CCDC83: variants seen among roughly 807,000 people sequenced by gnomAD.
The protein encoded by CCDC83 is coiled-coil domain containing 83.
Under a neutral mutation model 50.1 loss-of-function variants are expected in CCDC83, and 54 were observed. The observed-to-expected ratio is 1.08, with a 90% CI of 0.87 to 1.35. CCDC83 has a LOEUF of 1.35. Among genes scored for constraint, CCDC83 ranks in the 40% most tolerant of loss-of-function variants. CCDC83 has a pLI of 0.00. For missense variants in CCDC83, 518 were observed against 473.9 expected, an observed-to-expected ratio of 1.09 and a Z score of -0.86; for synonymous variants, 161 against 153.3, an observed-to-expected ratio of 1.05 and a Z score of -0.37.
chr11:85,883,338 T>C (rs1036883044), intron 4 of CCDC83, among the ~76,000 whole-genome samples: 4 of 152,002 alleles, frequency 2.6e-5, no homozygotes, highest in Non-Finnish European at 4.4e-5. Flanking sequence ...TTCATTGACT[T>C]CAGCTTCAGC....
At chr11:85,863,879 C>T (rs144707582) in intron 1 of CCDC83, among the ~76,000 whole-genome samples, 232 of 152,276 alleles carry the variant, frequency 1.5e-3, no homozygotes, top group Non-Finnish European at 2.7e-3. Context: ...GGGCACTATA[C>T]AGAGATAGAG....
intron 7 of CCDC83, among the ~76,000 whole-genome samples, chr11:85,900,553 T>G (rs2093396477): frequency 6.6e-6 from 1 of 152,138 alleles, no homozygotes; most frequent in Non-Finnish European, 1.5e-5. Flanking sequence ...ACAGTCCTAT[T>G]TACACAGTGG....
intron 6 of CCDC83, among the ~76,000 whole-genome samples, chr11:85,896,763 T>TG (rs536649914): frequency 2.1e-5 from 1 of 47,724 alleles, no homozygotes; most frequent in Non-Finnish European, 4.6e-5. Context: ...AAATATCTGA[T>TG]TTTTTTTTTT....
chr11:85,858,114 G>T (rs2093153354), intron 1 of CCDC83, among the ~76,000 whole-genome samples: 1 of 152,184 alleles, frequency 6.6e-6, no homozygotes, highest in African/African-American at 2.4e-5. Context: ...GGGTCAGCTG[G>T]TCAACCTGGG....
At position 85,895,385 on chromosome 11, in the gene CCDC83, G is replaced by C. The variant is rs2093369421; in HGVS notation, c.603+1G>C. The stretch of plus-strand genomic sequence containing the variant: ...CCAAAAGAAGGAATGGGCCACACAG[G>C]TATAATTCAATTTTCTTAAAAACAG... On this transcript the variant is annotated splice_donor_variant, in intron 6 of 10. Transcript: ENST00000342404. LOFTEE classifies it high-confidence loss of function. The C allele has an allele frequency of 2.0e-6, 3 of 1,526,298 alleles. No homozygotes were observed. In the African/African-American group the frequency reaches 4.2e-5, roughly 22 times the overall value. 94.5% of individuals were successfully genotyped at this position (1,526,298 alleles called of 1,614,324 possible). A position where few individuals can be genotyped will look rare whatever the true frequency, so the allele number is the denominator to read the frequency against.
In CCDC83 at chr11:85,911,282, T is replaced by G. The variant is rs758639912; in HGVS notation, c.674T>G (p.Val225Gly). Residue 225 changes from valine to glycine, a missense_variant and splice_region_variant, in exon 8 of 11, where the codon GTT becomes GGT. Physicochemically the swap from Val to Gly is moderately radical, Grantham distance 109. Coordinates refer to ENST00000342404, the MANE Select transcript of CCDC83 (RefSeq NM_001286159.2). ...IWENDWLKKE[V>G]AIHRKEVEEL... ...TTCATTCTCTTCTTCTGAGAACAGG[T>G]TGCAATTCACAGGAAGGAAGTTGAA... The G allele has an allele frequency of 6.2e-7, 1 of 1,606,646 alleles. No homozygotes were observed. The highest frequency in any genetic ancestry group is 1.7e-5 in the Admixed American group (1 of 59,050).
chr11:85,860,194 C>A (rs145920246), intron 1 of CCDC83, among the ~76,000 whole-genome samples: 1 of 148,816 alleles, frequency 6.7e-6, no homozygotes, highest in South Asian at 2.2e-4. Flanking sequence ...CCCAGCTACT[C>A]GGGAGGCTGA....
intron 1 of CCDC83, among the ~76,000 whole-genome samples, chr11:85,856,980 C>T (rs1056034898): frequency 3.9e-5 from 6 of 152,178 alleles, no homozygotes; most frequent in African/African-American, 7.2e-5. Flanking sequence ...AGCCACAAAA[C>T]GAATAAACTA....
intron 3 of CCDC83, 94 bp from the exon 4 acceptor site, chr11:85,882,419 G>A: frequency 8.0e-7 from 1 of 1,243,564 alleles, no homozygotes; most frequent in Non-Finnish European, 1.1e-6. Context: ...GCCTTCCTGT[G>A]ATACCCAAAG....
intron 7 of CCDC83, among the ~76,000 whole-genome samples, chr11:85,901,474 G>A (rs977044764): frequency 1.3e-5 from 2 of 151,950 alleles, no homozygotes; most frequent in Admixed American, 6.6e-5. Flanking sequence ...CCAGGAGGCT[G>A]AAGTGGGAGA....
chr11:85,892,273 T>C (rs1285223466), intron 5 of CCDC83, among the ~76,000 whole-genome samples: 1 of 152,126 alleles, frequency 6.6e-6, no homozygotes, highest in East Asian at 1.9e-4. Context: ...ACAGTCCTAA[T>C]CTGCCAAGCT....
chr11:85,874,496 T>C (rs1465885438), intron 3 of CCDC83, among the ~76,000 whole-genome samples: 3 of 152,224 alleles, frequency 2.0e-5, no homozygotes, highest in Non-Finnish European at 4.4e-5. Flanking sequence ...GGCTCAAGAA[T>C]GCACATTAGT....
intron 6 of CCDC83, among the ~76,000 whole-genome samples, chr11:85,896,651 G>T (rs532245083): frequency 6.6e-6 from 1 of 151,862 alleles, no homozygotes; most frequent in East Asian, 1.9e-4. Flanking sequence ...ACCTAAAAGA[G>T]TATATTCTAC....
intron 3 of CCDC83, among the ~76,000 whole-genome samples, chr11:85,876,263 A>G (rs978313430): frequency 6.6e-6 from 1 of 152,126 alleles, no homozygotes; most frequent in African/African-American, 2.4e-5. Flanking sequence ...TCAAATAACC[A>G]TCTATTTGTT....
intron 5 of CCDC83, 29 bp from the exon 6 acceptor site, chr11:85,895,264 C>CTTTTTTTT (rs10594256): frequency 2.8e-5 from 10 of 363,096 alleles, no homozygotes; most frequent in Non-Finnish European, 4.2e-5. Flanking sequence ...TTTTAATTTT[C>CTTTTTTTT]TTTTTTTTTT....
At chr11:85,866,226 G>T (rs1407792048) in intron 2 of CCDC83, among the ~76,000 whole-genome samples, 1 of 152,092 alleles carries the variant, frequency 6.6e-6, no homozygotes, top group African/African-American at 2.4e-5. Flanking sequence ...GTCTTTTCTT[G>T]CATAAGGCTG....
intron 6 of CCDC83, among the ~76,000 whole-genome samples, chr11:85,896,450 A>T (rs543407233): frequency 1.2e-4 from 18 of 151,412 alleles, no homozygotes; most frequent in African/African-American, 4.1e-4. Flanking sequence ...AATTCTCCAC[A>T]ATCTGAAATT....
intron 8 of CCDC83, chr11:85,912,522 G>A (rs770966469): frequency 1.5e-6 from 1 of 689,430 alleles, no homozygotes; most frequent in Non-Finnish European, 2.6e-6. Flanking sequence ...GCTGAATGAG[G>A]ATTGATTACT....
chr11:85,905,087 A>C (rs1400138062), intron 7 of CCDC83, among the ~76,000 whole-genome samples: 1 of 152,112 alleles, frequency 6.6e-6, no homozygotes, highest in Admixed American at 6.5e-5. Context: ...ACCTCAGGTC[A>C]AGAATTCGAG....
Sources: gnomAD v4.1 joint callset for allele counts (sites outside exome capture counted in the v4.1 genomes callset) on GRCh38, gnomAD v4.1.1 for gene constraint, MANE v1.5 for transcripts, NCBI Gene and HGNC (gene_info 2026-07-23, HGNC 2026-07-21) for gene names.